HTR1F: variants seen among roughly 807,000 people sequenced by gnomAD.
The protein encoded by HTR1F is 5-hydroxytryptamine receptor 1F.
Under a neutral mutation model 24.0 loss-of-function variants are expected in HTR1F, and 17 were observed. That is an observed-to-expected ratio of 0.71 (90% CI 0.48 to 1.06). HTR1F has a LOEUF of 1.06. Among genes scored for constraint, HTR1F ranks in the 50% least tolerant of loss-of-function variants. The pLI is 0.00. For missense variants in HTR1F, 391 were observed against 427.8 expected (o/e 0.91, Z 0.76); for synonymous variants, 186 against 156.8 (o/e 1.19, Z -1.39).
At chr3:87,889,790 G>A (rs972438296) in intron 2 of HTR1F, among the ~76,000 whole-genome samples, 4 of 152,116 alleles carry the variant, frequency 2.6e-5, no homozygotes, top group South Asian at 2.1e-4. Flanking sequence ...AATCTGACAA[G>A]TGAAATTCTG....
chr3:87,946,935 A>T (rs1350575173), intron 2 of HTR1F, among the ~76,000 whole-genome samples: 1 of 152,132 alleles, frequency 6.6e-6, no homozygotes, highest in Admixed American at 6.6e-5. Flanking sequence ...CATATATATT[A>T]TTAAATCAGA....
At chr3:87,982,814 ATCCTGC>A (rs1350424998) in intron 2 of HTR1F, among the ~76,000 whole-genome samples, 1 of 152,176 alleles carries the variant, frequency 6.6e-6, no homozygotes, top group Non-Finnish European at 1.5e-5. Flanking sequence ...TATTGCAATT[ATCCTGC>A]CCTCAACTCA....
At chr3:87,858,802 G>A (rs1705255566) in intron 2 of HTR1F, among the ~76,000 whole-genome samples, 1 of 151,964 alleles carries the variant, frequency 6.6e-6, no homozygotes, top group Non-Finnish European at 1.5e-5. Flanking sequence ...CTCTGTAATG[G>A]GTCAAATTGT....
In HTR1F at chr3:87,990,812, A is replaced by G; in HGVS notation, c.63A>G (p.Pro21=). ...CAGAGGAACTGTTAAACAGAATGCC[A>G]TCCAAAATTCTGGTGTCCCTCACTC... ...LTSEELLNRM[P]SKILVSLTLS... The change falls in exon 3 of 3, where the codon CCA becomes CCG. Residue 21 remains proline (P), a synonymous_variant. Coordinates refer to ENST00000319595, the MANE Select transcript of HTR1F (RefSeq NM_001322209.2). The G allele has an allele frequency of 1.2e-6, 2 of 1,613,882 alleles. No individual in the cohort carries two copies. Among genetic ancestry groups the G allele is most frequent in the South Asian group, 2.2e-5 (2 of 91,078 alleles).
At position 87,917,883 on chromosome 3, in the gene HTR1F, A is replaced by AC. The variant is rs534795601; in HGVS notation, c.-42-72822dup. Among the ~76,000 whole-genome samples, 80 of 152,160 alleles carry AC rather than the reference A, an allele frequency of 5.3e-4. 1 individual carries two copies. The highest frequency in any genetic ancestry group is 1.8e-3 in the African/African-American group (74 of 41,548). On this transcript the variant is annotated intron_variant, in intron 2 of 2. Coordinates refer to ENST00000319595, the MANE Select transcript of HTR1F (RefSeq NM_001322209.2). The stretch of plus-strand genomic sequence containing the variant: ...TAAATCATTCTATGAAGCCAGTATC[A>AC]CCCTAATACCAAAACCAGTAAAGGA...
intron 1 of HTR1F, among the ~76,000 whole-genome samples, chr3:87,799,193 C>G (rs775183760): frequency 3.5e-4 from 54 of 152,136 alleles, no homozygotes; most frequent in Non-Finnish European, 6.2e-4. Context: ...GTAATTTCAG[C>G]AACACCAAAT....
intron 1 of HTR1F, among the ~76,000 whole-genome samples, chr3:87,810,239 A>G: frequency 6.6e-6 from 1 of 152,132 alleles, no homozygotes; most frequent in Non-Finnish European, 1.5e-5. Context: ...ATTCCTTATC[A>G]TTTCCAGATC....
intron 2 of HTR1F, among the ~76,000 whole-genome samples, chr3:87,848,289 T>C (rs1267407953): frequency 6.6e-6 from 1 of 151,898 alleles, no homozygotes; most frequent in Non-Finnish European, 1.5e-5. Context: ...TTTTTTCATA[T>C]ACCTGCTGGC....
intron 2 of HTR1F, among the ~76,000 whole-genome samples, chr3:87,850,172 G>A (rs1366299100): frequency 6.6e-6 from 1 of 151,784 alleles, no homozygotes; most frequent in Non-Finnish European, 1.5e-5. Context: ...AGTTTATTGA[G>A]GCACTATTCA....
chr3:87,955,035 G>A (rs1326440932), intron 2 of HTR1F, among the ~76,000 whole-genome samples: 2 of 151,134 alleles, frequency 1.3e-5, no homozygotes, highest in African/African-American at 4.8e-5. Flanking sequence ...CATCTGTTTT[G>A]TTTTTTGCCT....
intron 2 of HTR1F, among the ~76,000 whole-genome samples, chr3:87,846,453 A>T (rs1296570114): frequency 6.6e-6 from 1 of 151,870 alleles, no homozygotes; most frequent in Admixed American, 6.6e-5. Flanking sequence ...AAAATATATT[A>T]TGAACACAAA....
chr3:87,799,975 G>A (rs920262297), intron 1 of HTR1F, among the ~76,000 whole-genome samples: 1 of 152,128 alleles, frequency 6.6e-6, no homozygotes, highest in Non-Finnish European at 1.5e-5. Flanking sequence ...TCCAGACTCA[G>A]CCAAATACAG....
At position 87,974,842 on chromosome 3, in the gene HTR1F, T is replaced by C. The variant is rs191653996; in HGVS notation, c.-42-15866T>C. On this transcript the variant is annotated intron_variant, in intron 2 of 2. Coordinates refer to ENST00000319595, the MANE Select transcript of HTR1F (RefSeq NM_001322209.2). Reference sequence around the variant, plus strand: ...TACACACTGTATTGCTTAATAAACATTGATTGATTGATGCTCAAAACTTAG... The same window carrying C: ...TACACACTGTATTGCTTAATAAACACTGATTGATTGATGCTCAAAACTTAG... 5.3e-4 allele frequency among the ~76,000 whole-genome samples: 80 copies of C among 152,228 alleles called. 1 individual carries two copies. In the East Asian group the frequency reaches 0.013, roughly 25 times the overall value.
At chr3:87,884,191 A>C (rs1190015209) in intron 2 of HTR1F, among the ~76,000 whole-genome samples, 1 of 152,182 alleles carries the variant, frequency 6.6e-6, no homozygotes, top group African/African-American at 2.4e-5. Flanking sequence ...GCCAATACTC[A>C]ACATTCTTAA....
chr3:87,844,283 G>A (rs1366364511), intron 2 of HTR1F, among the ~76,000 whole-genome samples: 1 of 151,176 alleles, frequency 6.6e-6, no homozygotes, highest in East Asian at 1.9e-4. Flanking sequence ...GGCCAGTGAT[G>A]GTGAGCATTT....
chr3:87,887,902 T>A (rs1179263710), intron 2 of HTR1F, among the ~76,000 whole-genome samples: 1 of 119,416 alleles, frequency 8.4e-6, no homozygotes, highest in Non-Finnish European at 2.1e-5. Flanking sequence ...CTTGTGGAAG[T>A]CAGTGTGGCA....
At chr3:87,967,017 C>T (rs564243816) in intron 2 of HTR1F, among the ~76,000 whole-genome samples, 3 of 152,258 alleles carry the variant, frequency 2.0e-5, no homozygotes, top group East Asian at 3.9e-4. Context: ...GAATTATTTA[C>T]ATAATTTATT....
At chr3:87,926,127 G>A (rs776697990) in intron 2 of HTR1F, among the ~76,000 whole-genome samples, 30 of 152,156 alleles carry the variant, frequency 2.0e-4, no homozygotes, top group East Asian at 3.9e-4. Flanking sequence ...TTGTATTTAC[G>A]TATTCACATG....
chr3:87,830,556 G>A (rs1704553493), intron 2 of HTR1F, among the ~76,000 whole-genome samples: 1 of 152,130 alleles, frequency 6.6e-6, no homozygotes, highest in African/African-American at 2.4e-5. Context: ...AATTTCTCAT[G>A]ATTTCTCGTG....
Sources: gnomAD v4.1 joint callset for allele counts (sites outside exome capture counted in the v4.1 genomes callset) on GRCh38, gnomAD v4.1.1 for gene constraint, MANE v1.5 for transcripts, NCBI Gene and HGNC (gene_info 2026-07-23, HGNC 2026-07-21) for gene names.